Variants in NTM observed in about 807,000 individuals in gnomAD.
The protein encoded by NTM is neurotrimin, also known as IgLON family member 2.
In NTM, 13 loss-of-function variants were observed where a neutral mutation model predicts 42.1. The observed-to-expected ratio is 0.31, with a 90% CI of 0.20 to 0.49. The LOEUF (loss-of-function observed/expected upper bound fraction) is 0.49. Among genes scored for constraint, NTM ranks in the 20% least tolerant of loss-of-function variants. NTM has a pLI of 0.99. For synonymous variants in NTM, 187 were observed against 179.2 expected (o/e 1.04, Z -0.35); for missense variants, 373 against 452.8 (o/e 0.82, Z 1.60).
At chr11:131,646,113 T>C (rs943184446) in intron 1 of NTM, among the ~76,000 whole-genome samples, 1 of 152,208 alleles carries the variant, frequency 6.6e-6, no homozygotes, top group African/African-American at 2.4e-5. Flanking sequence ...AAATACGCAA[T>C]TGATCATCTA....
At chr11:131,877,819 C>T (rs970169236) in intron 1 of NTM, 4 of 152,200 alleles carry the variant, frequency 2.6e-5, no homozygotes, top group African/African-American at 4.8e-5. Flanking sequence ...AGAAGAGTCT[C>T]CTTTGGAGTC....
intron 2 of NTM, among the ~76,000 whole-genome samples, chr11:132,063,287 G>A (rs1223744435): frequency 6.6e-6 from 1 of 152,106 alleles, no homozygotes; most frequent in Non-Finnish European, 1.5e-5. Flanking sequence ...CATGAATTTG[G>A]GGACACAAAC....
intron 1 of NTM, among the ~76,000 whole-genome samples, chr11:131,564,858 TAC>T (rs959981865): frequency 2.0e-5 from 3 of 149,612 alleles, no homozygotes. Context: ...TGCACACACA[TAC>T]ACACACATAC....
intron 2 of NTM, among the ~76,000 whole-genome samples, chr11:131,996,846 A>G (rs1565910246): frequency 6.6e-6 from 1 of 152,090 alleles, no homozygotes; most frequent in Non-Finnish European, 1.5e-5. Context: ...CCCAGCCTGC[A>G]TTCTGAAGCA....
intron 4 of NTM, among the ~76,000 whole-genome samples, chr11:132,227,883 A>G (rs936730052): frequency 2.0e-5 from 3 of 152,136 alleles, no homozygotes; most frequent in African/African-American, 7.2e-5. Context: ...GAACCAGCTT[A>G]TAAGAAGGGG....
In NTM at chr11:131,614,890, C is replaced by T. The variant is rs146333668; in HGVS notation, c.82+244002C>T. Among the ~76,000 whole-genome samples, 43 of 152,322 alleles carry T rather than the reference C, an allele frequency of 2.8e-4. No individual in the cohort carries two copies. The East Asian group carries it at 7.7e-3, about 27-fold the overall frequency. On this transcript the variant is annotated intron_variant, in intron 1 of 8. Coordinates refer to ENST00000683400, the MANE Select transcript of NTM (RefSeq NM_001352005.2). ...TGACCAGCAGCACTGGCCCTGCCCG[C>T]CTGGCTTTGATTCCAGCTGTTTCTC... is the stretch of plus-strand genomic sequence containing the variant.
At chr11:132,048,187 A>G (rs1031816100) in intron 2 of NTM, among the ~76,000 whole-genome samples, 2 of 151,938 alleles carry the variant, frequency 1.3e-5, no homozygotes, top group Non-Finnish European at 2.9e-5. Flanking sequence ...TGCCTGACCA[A>G]TCCCTGGGGA....
At chr11:132,104,487 C>T (rs1334922427) in intron 2 of NTM, among the ~76,000 whole-genome samples, 1 of 151,834 alleles carries the variant, frequency 6.6e-6, no homozygotes, top group Non-Finnish European at 1.5e-5. Context: ...TGCAGTGACT[C>T]ACATCTCTAA....
chr11:131,752,798 A>G (rs200683126), intron 1 of NTM, among the ~76,000 whole-genome samples: 3 of 104,850 alleles, frequency 2.9e-5, no homozygotes, highest in Non-Finnish European at 6.2e-5. Context: ...CTAGAAGAAA[A>G]CCGCGCATTA....
chr11:132,165,885 T>C (rs187831789), intron 3 of NTM, among the ~76,000 whole-genome samples: 12 of 152,294 alleles, frequency 7.9e-5, no homozygotes, highest in South Asian at 4.1e-4. Context: ...TTTCATGCTT[T>C]AATTTAATTT....
rs575188292 is a variant in NTM at position 131,971,407 on chromosome 11, ATCTTTT to A, written c.167+59764_167+59769del. ...GGCCTATTTTTTGATTGAACCACCT[ATCTTTT>A]TCTTGTAGATTTTCAGGAAAAAATG... On this transcript the variant is annotated intron_variant, in intron 2 of 8. Coordinates refer to ENST00000683400, the MANE Select transcript of NTM (RefSeq NM_001352005.2). Among the ~76,000 whole-genome samples the A allele has an allele frequency of 9.9e-5, 15 of 152,120 alleles. No homozygotes were observed. In the South Asian group the frequency reaches 2.5e-3, roughly 25 times the overall value.
chr11:131,789,111 A>G (rs2089753068), intron 1 of NTM, among the ~76,000 whole-genome samples: 1 of 151,862 alleles, frequency 6.6e-6, no homozygotes, highest in Non-Finnish European at 1.5e-5. Flanking sequence ...CGAATACAGG[A>G]GTCTAGTATT....
rs1329216569 is a variant in NTM, at chr11:131,789,478, G to GA, written c.83-122084dup. ...AGAAGAAGAAGAAGAAGAAGAAGAA[G>GA]AAGAAGAAGAAGAGGAAAGAAGAAG... On this transcript the variant is annotated intron_variant, in intron 1 of 8. Coordinates refer to ENST00000683400, the MANE Select transcript of NTM (RefSeq NM_001352005.2). Among the ~76,000 whole-genome samples, 5 of 10,932 alleles carry GA rather than the reference G, an allele frequency of 4.6e-4. 1 individual carries two copies. The highest frequency in any genetic ancestry group is 1.3e-3 in the Admixed American group (1 of 780). 7.2% of individuals were successfully genotyped at this position (10,932 alleles called of 152,430 possible). A position where few individuals can be genotyped will look rare whatever the true frequency, so the allele number is the denominator to read the frequency against.
chr11:131,833,986 A>G (rs926245658), intron 1 of NTM, among the ~76,000 whole-genome samples: 1 of 152,166 alleles, frequency 6.6e-6, no homozygotes, highest in Non-Finnish European at 1.5e-5. Context: ...CTCAGGACTC[A>G]TCTAAGTTCT....
At chr11:131,512,119 G>T (rs2048325218) in intron 1 of NTM, among the ~76,000 whole-genome samples, 1 of 152,118 alleles carries the variant, frequency 6.6e-6, no homozygotes, top group African/African-American at 2.4e-5. Flanking sequence ...GCTAATTCCA[G>T]GCCTAATCAC....
chr11:131,386,888 A>G (rs1011252501), intron 1 of NTM, among the ~76,000 whole-genome samples: 1 of 152,182 alleles, frequency 6.6e-6, no homozygotes. Context: ...CCTACCATTT[A>G]GGGCCATCTC....
intron 4 of NTM, among the ~76,000 whole-genome samples, chr11:132,256,509 T>C (rs1415661493): frequency 6.6e-6 from 1 of 152,222 alleles, no homozygotes; most frequent in Non-Finnish European, 1.5e-5. Context: ...TCCATCACTT[T>C]GCCGGCTTTT....
intron 1 of NTM, among the ~76,000 whole-genome samples, chr11:131,766,187 G>C (rs890791241): frequency 2.0e-5 from 3 of 152,140 alleles, no homozygotes; most frequent in African/African-American, 7.2e-5. Context: ...ATGACCACTT[G>C]CTCTCATGTG....
chr11:131,838,062 T>C (rs1411192830), intron 1 of NTM, among the ~76,000 whole-genome samples: 2 of 152,276 alleles, frequency 1.3e-5, no homozygotes, highest in Non-Finnish European at 2.9e-5. Flanking sequence ...CCCAGCCATC[T>C]GGAAAGGAGA....
Sources: gnomAD v4.1 joint callset for allele counts (sites outside exome capture counted in the v4.1 genomes callset) on GRCh38, gnomAD v4.1.1 for gene constraint, MANE v1.5 for transcripts, NCBI Gene and HGNC (gene_info 2026-07-23, HGNC 2026-07-21) for gene names.